Variants in CUBN observed in about 807,000 individuals in gnomAD.
CUBN encodes the protein 460 kDa receptor.
In CUBN, 282 loss-of-function variants were observed where a neutral mutation model predicts 405.3. The ratio of observed to expected loss-of-function variants is 0.70; its 90% confidence interval spans 0.63 to 0.77. The LOEUF is 0.77. Ranked by LOEUF, CUBN falls within the 30% of genes least tolerant of loss-of-function variation. CUBN has a pLI of 0.00. For synonymous variants in CUBN, 1,684 were observed against 1,617.0 expected (o/e 1.04, Z -0.99); for missense variants, 4,514 against 4,475.2 (o/e 1.01, Z -0.25).
intron 22 of CUBN, among the ~76,000 whole-genome samples, chr10:17,055,990 T>C (rs1015820890): frequency 1.3e-5 from 2 of 152,064 alleles, no homozygotes; most frequent in African/African-American, 4.8e-5. Context: ...ATCTAGAGGT[T>C]TTATACTTCC....
At chr10:16,829,217 C>T (rs1838892216) in intron 65 of CUBN, among the ~76,000 whole-genome samples, 177 bp from the exon 66 acceptor site, 1 of 152,124 alleles carries the variant, frequency 6.6e-6, no homozygotes, top group Admixed American at 6.5e-5. Flanking sequence ...CTCTCTTCCC[C>T]TCTCTTCCCA....
At chr10:16,861,283 GC>G (rs1428969747) in intron 59 of CUBN, among the ~76,000 whole-genome samples, 4 of 151,620 alleles carry the variant, frequency 2.6e-5, no homozygotes, top group African/African-American at 9.7e-5. Flanking sequence ...TGCTTCAGCT[GC>G]CCGAGTAGCT....
chr10:16,965,121 G>A (rs1039327278), intron 31 of CUBN, among the ~76,000 whole-genome samples: 2 of 152,064 alleles, frequency 1.3e-5, no homozygotes, highest in African/African-American at 4.8e-5. Context: ...CCGATGTATC[G>A]CTTGGCTCCT....
rs369344091 is a variant in CUBN at position 16,903,979 on chromosome 10, C to A, written c.8049G>T (p.Lys2683Asn). Residue 2683 changes from lysine to asparagine, a missense_variant, in exon 51 of 67, where the codon AAG becomes AAT. This residue lies in a region of CUBN where 1,186 missense variants were observed against 1,186.9 expected (regional missense o/e 1.00). Transcript: ENST00000377833. ...ERVEHIGFHA[K>N]YSFTDCGGIQ... ...TATAATTCTTACCTGTAAAGGAATA[C>A]TTTGCATGGAATCCAATGTGTTCTA... is the stretch of plus-strand genomic sequence containing the variant. 48 of 1,609,966 alleles carry A rather than the reference C, an allele frequency of 3.0e-5. No individual in the cohort carries two copies. Among genetic ancestry groups the A allele is most frequent in the Non-Finnish European group, 3.9e-5 (46 of 1,177,058 alleles).
At position 17,129,693 on chromosome 10, in the gene CUBN, C is replaced by T. The variant is rs1400666306; in HGVS notation, c.73G>A (p.Ala25Thr). Residue 25 changes from alanine (A) to threonine (T), a missense_variant, in exon 1 of 67, where the codon GCT becomes ACT. Ala to Thr is a moderately conservative substitution (Grantham distance 58, BLOSUM62 0). Around this residue, in one of 5 missense-constraint regions of CUBN, gnomAD observed 1,448 missense variants for 1,388.0 expected, o/e 1.04. Coordinates refer to ENST00000377833, the MANE Select transcript of CUBN (RefSeq NM_001081.4). ...LLIFAEVNGE[A>T]GELELQRQKR... Reference sequence around the variant, plus strand: ...TGTCTCTGCAGCTCAAGTTCTCCAGCTTCGCCATTTACTTCAGCAAATATT... The same window carrying T: ...TGTCTCTGCAGCTCAAGTTCTCCAGTTTCGCCATTTACTTCAGCAAATATT... 25 of 1,613,980 alleles carry T rather than the reference C, an allele frequency of 1.5e-5. No individual in the cohort carries two copies. The Admixed American group carries it at 3.7e-4, about 24-fold the overall frequency.
intron 10 of CUBN, among the ~76,000 whole-genome samples, chr10:17,109,084 C>T (rs774582709): frequency 6.6e-6 from 1 of 152,048 alleles, no homozygotes; most frequent in Non-Finnish European, 1.5e-5. Flanking sequence ...TATACACTGT[C>T]GGTGAATACA....
chr10:17,084,130 G>C, intron 17 of CUBN, 141 bp downstream of exon 17: 1 of 785,036 alleles, frequency 1.3e-6, no homozygotes, highest in East Asian at 2.6e-5. Context: ...AGTCATTAGA[G>C]CTTAGTTATT....
chr10:16,839,783 A>T (rs1159076570), intron 62 of CUBN, among the ~76,000 whole-genome samples: 2 of 151,878 alleles, frequency 1.3e-5, no homozygotes, highest in African/African-American at 4.8e-5. Flanking sequence ...TTATTGCGGC[A>T]CTATTCACAA....
chr10:17,046,131 T>A, intron 23 of CUBN, 37 bp from the exon 24 acceptor site: 1 of 1,566,876 alleles, frequency 6.4e-7, no homozygotes, highest in Admixed American at 1.7e-5. Context: ...ATTGGGTTAC[T>A]GACAATATTA....
intron 4 of CUBN, among the ~76,000 whole-genome samples, chr10:17,126,053 T>C (rs1322822616): frequency 6.6e-6 from 1 of 152,088 alleles, no homozygotes; most frequent in African/African-American, 2.4e-5. Flanking sequence ...AACTTAAAAG[T>C]AGAGGAAAAT....
rs1052228390 is a variant in CUBN, at chr10:17,017,882, C to A, written c.4168+1951G>T. Among the ~76,000 whole-genome samples the A allele has an allele frequency of 3.3e-5, 5 of 152,096 alleles. No homozygotes were observed. The South Asian group carries it at 1.0e-3, about 32-fold the overall frequency. On this transcript the variant is annotated intron_variant, in intron 28 of 66. Coordinates refer to ENST00000377833, the MANE Select transcript of CUBN (RefSeq NM_001081.4). ...GAAATTTGTCTGACAGGCATTAGGA[C>A]CCAGGAGGCAAGGGTCAGGATAGAT...
chr10:17,129,002 T>C (rs1564526664), intron 2 of CUBN, 119 bp downstream of exon 2: 3 of 748,998 alleles, frequency 4.0e-6, no homozygotes, highest in Non-Finnish European at 6.4e-6. Flanking sequence ...TATCAAATTA[T>C]GTATTAATAA....
At chr10:17,127,212 T>TTC (rs138178923) in intron 3 of CUBN, among the ~76,000 whole-genome samples, 47 of 109,692 alleles carry the variant, frequency 4.3e-4, no homozygotes, top group African/African-American at 1.1e-3. Flanking sequence ...CTGTCTTTCT[T>TTC]TCTCTCTCTC....
intron 27 of CUBN, among the ~76,000 whole-genome samples, chr10:17,020,686 A>C (rs182465955): frequency 2.0e-5 from 3 of 152,302 alleles, no homozygotes; most frequent in African/African-American, 7.2e-5. Flanking sequence ...GTGTTTATAC[A>C]TTTGAGCTAT....
intron 31 of CUBN, among the ~76,000 whole-genome samples, chr10:16,974,046 C>A (rs1194056396): frequency 1.3e-5 from 2 of 152,164 alleles, no homozygotes; most frequent in African/African-American, 4.8e-5. Context: ...GAACCTCCCC[C>A]AAAACACTCA....
chr10:17,067,550 G>C (rs1187229517), intron 21 of CUBN, among the ~76,000 whole-genome samples: 1 of 152,220 alleles, frequency 6.6e-6, no homozygotes, highest in South Asian at 2.1e-4. Flanking sequence ...CATGAAATCA[G>C]AGTCCCTAAT....
chr10:17,129,306 C>G, intron 1 of CUBN, 56 bp from the exon 2 acceptor site: 1 of 1,579,648 alleles, frequency 6.3e-7, no homozygotes, highest in Non-Finnish European at 8.7e-7. Flanking sequence ...ATTTTTAAAC[C>G]AAAATAACAA....
chr10:17,023,734 A>G, intron 27 of CUBN: 2 of 393,448 alleles, frequency 5.1e-6, no homozygotes, highest in Middle Eastern at 3.6e-4. Context: ...TGAGTTACAG[A>G]AAGGAAACTA....
chr10:17,096,007 A>G (rs1286100161), intron 14 of CUBN, among the ~76,000 whole-genome samples: 2 of 152,118 alleles, frequency 1.3e-5, no homozygotes, highest in Admixed American at 6.6e-5. Context: ...AAACAGGGAG[A>G]CATGCTGAGT....
Sources: allele counts gnomAD v4.1 joint callset (sites outside exome capture counted in the v4.1 genomes callset), GRCh38; gene constraint gnomAD v4.1.1; regional missense constraint gnomAD v4.1.1; transcripts MANE v1.5; gene names NCBI Gene and HGNC (gene_info 2026-07-23, HGNC 2026-07-21).